IPCEF1: variants seen among roughly 807,000 people sequenced by gnomAD.
The protein encoded by IPCEF1 is interactor protein for cytohesin exchange factors 1.
A neutral mutation model predicts 50.9 loss-of-function variants in IPCEF1; 31 were observed. That is an observed-to-expected ratio of 0.61 (90% CI 0.46 to 0.82). The LOEUF (loss-of-function observed/expected upper bound fraction) is 0.82, where lower values mean the gene tolerates loss of function less well. Ranked by LOEUF, IPCEF1 falls within the 40% of genes least tolerant of loss-of-function variation. The probability of loss-of-function intolerance (pLI) is 0.00; values close to 1 mark genes in which losing one functional copy is unlikely to be tolerated. For synonymous variants in IPCEF1, 181 were observed against 192.0 expected (o/e 0.94, Z 0.47); for missense variants, 458 against 514.0 (o/e 0.89, Z 1.05).
intron 7 of IPCEF1, among the ~76,000 whole-genome samples, chr6:154,218,591 A>C (rs1778604335): frequency 6.6e-6 from 1 of 152,234 alleles, no homozygotes; most frequent in Non-Finnish European, 1.5e-5. Context: ...AACCGGCTGC[A>C]TCAGTAAGAA....
chr6:154,278,941 C>A lies in IPCEF1; in HGVS notation c.-18+10772G>T, dbSNP rs547798291. 1.7e-3 allele frequency among the ~76,000 whole-genome samples: 258 copies of A among 148,698 alleles called. 2 individuals are homozygous for A. Among genetic ancestry groups the A allele is most frequent in the Non-Finnish European group, 2.7e-3 (179 of 67,282 alleles). On this transcript the variant is annotated intron_variant, in intron 2 of 11. Transcript: ENST00000367220. The stretch of plus-strand genomic sequence containing the variant: ...ACCAGCCTGGGCAACATGGTGAAAC[C>A]CTGTCTCTACCAAAAATACAAAAAA...
At chr6:154,225,677 G>T (rs1470149132) in intron 5 of IPCEF1, among the ~76,000 whole-genome samples, 1 of 152,200 alleles carries the variant, frequency 6.6e-6, no homozygotes, top group Non-Finnish European at 1.5e-5. Flanking sequence ...AGATGAGGGG[G>T]TTGCACAACA....
At chr6:154,247,236 T>C (rs1781128159) in intron 4 of IPCEF1, 2 of 536,236 alleles carry the variant, frequency 3.7e-6, no homozygotes, top group Admixed American at 6.4e-5. Flanking sequence ...TTTTCTAAGC[T>C]CTTTTGACAT....
chr6:154,314,586 C>T (rs1400556946), intron 1 of IPCEF1, among the ~76,000 whole-genome samples: 1 of 152,100 alleles, frequency 6.6e-6, no homozygotes, highest in Non-Finnish European at 1.5e-5. Flanking sequence ...ATTCCTTTGC[C>T]TCATCTAACA....
At chr6:154,315,381 A>G (rs1462090631) in intron 1 of IPCEF1, among the ~76,000 whole-genome samples, 1 of 152,212 alleles carries the variant, frequency 6.6e-6, no homozygotes, top group Non-Finnish European at 1.5e-5. Flanking sequence ...GAAGGCAAAG[A>G]GTGGGAGCCC....
At chr6:154,307,198 G>A (rs1193190966) in intron 1 of IPCEF1, among the ~76,000 whole-genome samples, 1 of 152,162 alleles carries the variant, frequency 6.6e-6, no homozygotes, top group East Asian at 1.9e-4. Flanking sequence ...ATTCCCATGT[G>A]TTGTGGGAGG....
intron 10 of IPCEF1, among the ~76,000 whole-genome samples, chr6:154,195,211 G>C (rs1341477528): frequency 7.0e-6 from 1 of 142,698 alleles, no homozygotes; most frequent in Non-Finnish European, 1.5e-5. Flanking sequence ...GCAGTGGCAC[G>C]ATCTCGGCTC....
intron 1 of IPCEF1, among the ~76,000 whole-genome samples, chr6:154,342,672 G>A (rs1584008891): frequency 1.3e-5 from 2 of 152,214 alleles, no homozygotes; most frequent in Middle Eastern, 6.8e-3. Flanking sequence ...CTGTTACTCA[G>A]GCTGGTCTCA....
chr6:154,331,206 G>T (rs954016559), intron 1 of IPCEF1, among the ~76,000 whole-genome samples: 27 of 151,872 alleles, frequency 1.8e-4, no homozygotes, highest in Non-Finnish European at 3.4e-4. Flanking sequence ...AGTGGAGGCT[G>T]CAGTAAGCTG....
chr6:154,270,008 GA>G (rs1207804213), intron 2 of IPCEF1, among the ~76,000 whole-genome samples: 5 of 152,180 alleles, frequency 3.3e-5, no homozygotes. Context: ...AAGGTGTTTT[GA>G]AAGTGATAAC....
At chr6:154,239,603 C>T (rs557833608) in intron 5 of IPCEF1, among the ~76,000 whole-genome samples, 2 of 152,354 alleles carry the variant, frequency 1.3e-5, no homozygotes, top group Admixed American at 1.3e-4. Flanking sequence ...GACATGTCAA[C>T]ATTCCACCTT....
chr6:154,337,991 A>G (rs556022048), intron 1 of IPCEF1, among the ~76,000 whole-genome samples: 51 of 152,076 alleles, frequency 3.4e-4, no homozygotes, highest in Non-Finnish European at 4.4e-4. Context: ...GCCTGTCCAA[A>G]GCCATCCTAC....
intron 7 of IPCEF1, chr6:154,217,594 T>C (rs1477746311): frequency 6.6e-6 from 1 of 152,154 alleles, no homozygotes; most frequent in Non-Finnish European, 1.5e-5. Flanking sequence ...GGTGAGGATA[T>C]AGGAAATCTT....
intron 10 of IPCEF1, among the ~76,000 whole-genome samples, chr6:154,181,620 C>T (rs1800879001): frequency 6.6e-6 from 1 of 152,176 alleles, no homozygotes; most frequent in Non-Finnish European, 1.5e-5. Flanking sequence ...GACCAAGGCT[C>T]AGATCCCTGC....
At chr6:154,265,518 A>G (rs1781733434) in intron 3 of IPCEF1, among the ~76,000 whole-genome samples, 1 of 152,008 alleles carries the variant, frequency 6.6e-6, no homozygotes, top group East Asian at 1.9e-4. Context: ...TGACCTTGTG[A>G]TCTGCCCTCC....
At chr6:154,211,155 G>A (rs894090635) in intron 9 of IPCEF1, among the ~76,000 whole-genome samples, 44 of 152,210 alleles carry the variant, frequency 2.9e-4, no homozygotes, top group African/African-American at 9.6e-4. Context: ...GGTGGCTCAC[G>A]CTTGTAATCC....
chr6:154,256,300 A>G (rs1781458758), intron 3 of IPCEF1, among the ~76,000 whole-genome samples: 1 of 152,140 alleles, frequency 6.6e-6, no homozygotes, highest in African/African-American at 2.4e-5. Flanking sequence ...CTCATTCATC[A>G]GGGTGAAGCC....
chr6:154,256,046 G>C (rs1371284114), intron 3 of IPCEF1, among the ~76,000 whole-genome samples: 2 of 152,050 alleles, frequency 1.3e-5, no homozygotes, highest in East Asian at 3.8e-4. Flanking sequence ...TTGTAAATGT[G>C]TTCTGGGATT....
At chr6:154,173,673 G>A (rs897306650) in intron 10 of IPCEF1, among the ~76,000 whole-genome samples, 67 of 152,298 alleles carry the variant, frequency 4.4e-4, no homozygotes, top group African/African-American at 1.6e-3. Flanking sequence ...GGGATTATGT[G>A]AAAAGACCAA....
Sources: gnomAD v4.1 joint callset for allele counts (sites outside exome capture counted in the v4.1 genomes callset) on GRCh38, gnomAD v4.1.1 for gene constraint, MANE v1.5 for transcripts, NCBI Gene and HGNC (gene_info 2026-07-23, HGNC 2026-07-21) for gene names.